LRRC56: variants seen among roughly 807,000 people sequenced by gnomAD.
LRRC56 encodes leucine-rich repeat-containing protein 56.
LRRC56 carries 41 observed loss-of-function variants against 47.8 expected under a neutral mutation model. The ratio of observed to expected loss-of-function variants is 0.86; its 90% CI spans 0.67 to 1.11. LRRC56 has a LOEUF of 1.11. Ranked by LOEUF, LRRC56 falls within the 50% of genes most tolerant of loss-of-function variation. The pLI is 0.00. For synonymous variants in LRRC56, 387 were observed against 311.2 expected, an observed-to-expected ratio of 1.24 and a Z score of -2.56; for missense variants, 759 against 704.2, an observed-to-expected ratio of 1.08 and a Z score of -0.88.
chr11:515,544 T>TAA, the LRRC56 span, among the ~76,000 whole-genome samples: 1 of 152,194 alleles, frequency 6.6e-6, no homozygotes, highest in Admixed American at 6.5e-5. Context: ...TTTTGGCTTA[T>TAA]AATAAGTTCT....
rs767019382 is a variant in LRRC56, at chr11:541,542, C to T, written c.183C>T (p.Ala61=). Residue 61 remains alanine, a synonymous_variant, in exon 5 of 14, where the codon GCC becomes GCT. Transcript: ENST00000270115. The surrounding 1 kb of genome is among the most constrained non-coding windows in gnomAD (Gnocchi z 4.1). The stretch of plus-strand genomic sequence containing the variant: ...CCCCCGGTTGGTTTCTACAGCAGGC[C>T]CTGGCCCGGGTGGATGACCTTCGGC... ...EEYLSPARLQ[A]LARVDDLRLV... 3.8e-6 allele frequency: 6 copies of T among 1,570,284 alleles called. No homozygotes were observed. In the East Asian group the frequency reaches 1.2e-4, roughly 32 times the overall value.
At chr11:518,793 G>A in the LRRC56 span, among the ~76,000 whole-genome samples, 1 of 152,044 alleles carries the variant, frequency 6.6e-6, no homozygotes, top group Admixed American at 6.6e-5. Flanking sequence ...AGGACTCGCG[G>A]CGCCCCCTCC....
chr11:542,658 G>C (rs1851859597), intron 5 of LRRC56, among the ~76,000 whole-genome samples: 1 of 150,794 alleles, frequency 6.6e-6, no homozygotes, highest in African/African-American at 2.5e-5. Context: ...GTTCACGGTG[G>C]TGCTGGCCCC....
the LRRC56 span, among the ~76,000 whole-genome samples, chr11:525,498 C>T: frequency 6.6e-6 from 1 of 151,778 alleles, no homozygotes; most frequent in South Asian, 2.1e-4. Flanking sequence ...GAGATCGCGC[C>T]ACTGCACTCC....
upstream of LRRC56, chr11:537,173 G>C (rs534724318): frequency 3.3e-5 from 5 of 152,384 alleles, no homozygotes; most frequent in African/African-American, 1.2e-4. Context: ...GCCTCCAGCA[G>C]AGACCGCCTT....
At chr11:518,918 C>A in the LRRC56 span, among the ~76,000 whole-genome samples, 1 of 151,818 alleles carries the variant, frequency 6.6e-6, no homozygotes, top group Non-Finnish European at 1.5e-5. Context: ...GGCGTGTCTC[C>A]CGGTCACGTG....
rs201791364 is a variant in LRRC56, at chr11:554,153, G to A, written c.1506G>A (p.Leu502=). The A allele has an allele frequency of 6.3e-6, 10 of 1,599,390 alleles. 1 individual carries two copies. In the East Asian group the frequency reaches 1.6e-4, roughly 25 times the overall value. The change falls in exon 14 of 14, where the codon CTG becomes CTA. Residue 502 remains leucine, a synonymous_variant. Coordinates refer to ENST00000270115, the MANE Select transcript of LRRC56 (RefSeq NM_198075.4). Reference sequence around the variant, plus strand: ...CTGCAGTGCCTGTCCTGAGAGCCCTGGAGGTGGCCTCACGCCTGAGCCCTC... The same window carrying A: ...CTGCAGTGCCTGTCCTGAGAGCCCTAGAGGTGGCCTCACGCCTGAGCCCTC... ...GVAAVPVLRA[L]EVASRLSPRA...
chr11:534,693 GC>G (rs1022241185), upstream of LRRC56: 11 of 339,604 alleles, frequency 3.2e-5, no homozygotes, highest in African/African-American at 2.3e-4. Flanking sequence ...AAAGGGAGGC[GC>G]CCGAGGGCTG....
the LRRC56 span, among the ~76,000 whole-genome samples, chr11:507,861 C>T: frequency 2.6e-5 from 4 of 152,246 alleles, no homozygotes; most frequent in African/African-American, 7.2e-5. Flanking sequence ...CCCGCAAGGC[C>T]TGCGGAGCCG....
intron 6 of LRRC56, among the ~76,000 whole-genome samples, chr11:549,461 C>T (rs1403866603): frequency 5.3e-5 from 8 of 152,220 alleles, no homozygotes; most frequent in Non-Finnish European, 8.8e-5. Flanking sequence ...ACAAAAGCTG[C>T]CAGCTCAGCA....
the LRRC56 span, among the ~76,000 whole-genome samples, chr11:522,255 TTTTTG>T: frequency 2.6e-5 from 4 of 151,356 alleles, no homozygotes; most frequent in Non-Finnish European, 4.4e-5. Flanking sequence ...ATTTCTGGTT[TTTTTG>T]TTTTGTTTTG....
chr11:554,556 TG>T lies in LRRC56; in HGVS notation c.*286del. ...CCAGGCTTTCCCGCGGGCACGGGGG[TG>T]GGGGGTGGTCACCCGAGCAGGCCTG... On this transcript the variant is annotated 3_prime_UTR_variant, in exon 14 of 14. Transcript: ENST00000270115. The T allele has an allele frequency of 2.6e-5, 8 of 306,108 alleles. No individual in the cohort carries two copies. The highest frequency in any genetic ancestry group is 9.4e-5 in the East Asian group (2 of 21,286). The allele number at this position is 306,108 out of a possible 1,614,324, so 19.0% of individuals were successfully genotyped here.
intron 3 of LRRC56, 33 bp from the exon 4 acceptor site, chr11:540,641 G>T (rs370892639): frequency 1.9e-5 from 30 of 1,587,916 alleles, no homozygotes; most frequent in Non-Finnish European, 2.4e-5. Context: ...AGGAGCAACA[G>T]CGTGGAGCTT....
chr11:540,182 G>A (rs1415399222), intron 3 of LRRC56, among the ~76,000 whole-genome samples: 8 of 152,194 alleles, frequency 5.3e-5, no homozygotes, highest in African/African-American at 9.6e-5. Flanking sequence ...GAAGGGGCTC[G>A]GCTGGCACAG....
chr11:551,300 T>C lies in LRRC56; in HGVS notation c.794T>C (p.Leu265Pro), dbSNP rs1282108057. ...AAGAAGGGCAACGGCCTTCCCCCGC[T>C]GGGTACGGCAGCTGCGCCCGGAGGA... The part of the protein sequence containing the change: ...AIKKGNGLPP[L>P]DCPRGAPIRR... The change falls in exon 9 of 14, where the codon CTG (leucine) becomes CCG (proline). Residue 265 changes from leucine (L) to proline (P), a missense_variant and splice_region_variant. Transcript: ENST00000270115. The C allele has an allele frequency of 1.3e-6, 2 of 1,514,706 alleles. No individual in the cohort carries two copies. Among genetic ancestry groups the C allele is most frequent in the South Asian group, 1.2e-5 (1 of 81,704 alleles). The allele number at this position is 1,514,706 out of a possible 1,614,324, so 93.8% of individuals were successfully genotyped here.
upstream of LRRC56, chr11:532,570 CAGGGGCGGGG>C: frequency 3.2e-6 from 5 of 1,575,962 alleles, no homozygotes; most frequent in Non-Finnish European, 4.3e-6. Flanking sequence ...AGGAGACCGG[CAGGGGCGGGG>C]AGCCGGGGTC....
Position 554,866 on chromosome 11 carries a change from G to A in LRRC56, c.*590G>A. On this transcript the variant is annotated 3_prime_UTR_variant, in exon 14 of 14. Transcript: ENST00000270115. Reference sequence around the variant, plus strand: ...TTCCAGCTCTCAGGTGTACAGAAATGCGGTTTACTTTGTAGGCCACGTTGG... The same window carrying A: ...TTCCAGCTCTCAGGTGTACAGAAATACGGTTTACTTTGTAGGCCACGTTGG... The A allele has an allele frequency of 2.8e-6, 2 of 725,094 alleles. No individual in the cohort carries two copies. The highest frequency in any genetic ancestry group is 2.1e-6 in the Non-Finnish European group (1 of 477,064). The allele number at this position is 725,094 out of a possible 1,614,324, so 44.9% of individuals were successfully genotyped here. A position where few individuals can be genotyped will look rare whatever the true frequency, so the allele number is the denominator to read the frequency against.
chr11:522,476 C>T, the LRRC56 span, among the ~76,000 whole-genome samples: 9 of 152,110 alleles, frequency 5.9e-5, no homozygotes, highest in Admixed American at 5.2e-4. Context: ...CTGTGTTAGC[C>T]AGGATACTCT....
the LRRC56 span, among the ~76,000 whole-genome samples, chr11:531,984 G>A: frequency 6.6e-5 from 10 of 152,324 alleles, no homozygotes; most frequent in South Asian, 2.1e-4. Context: ...GGACCAGGAC[G>A]CCCTCCTAGT....
Sources: gnomAD v4.1 joint callset for allele counts (sites outside exome capture counted in the v4.1 genomes callset) on GRCh38, gnomAD v4.1.1 for gene constraint, Gnocchi (gnomAD v3.1) non-coding constraint, MANE v1.5 for transcripts, NCBI Gene and HGNC (gene_info 2026-07-23, HGNC 2026-07-21) for gene names.